Variants in PTPRD observed in about 807,000 individuals in gnomAD.
PTPRD encodes the protein receptor-type tyrosine-protein phosphatase delta.
Under a neutral mutation model 214.5 loss-of-function variants are expected in PTPRD, and 34 were observed. The observed-to-expected ratio is 0.16, with a 90% CI of 0.12 to 0.21. The LOEUF is 0.21. Among genes scored for constraint, PTPRD ranks in the 10% least tolerant of loss-of-function variants. The pLI, the probability that PTPRD is intolerant of heterozygous loss-of-function variation, is 1.00. For synonymous variants in PTPRD, 1,128 were observed against 845.7 expected (o/e 1.33, Z -5.79); for missense variants, 2,545 against 2,398.7 (o/e 1.06, Z -1.27).
chr9:9,027,015 G>A (rs939180920), intron 10 of PTPRD, among the ~76,000 whole-genome samples: 12 of 151,246 alleles, frequency 7.9e-5, no homozygotes, highest in Non-Finnish European at 1.8e-4. Flanking sequence ...TCCCAGTTAT[G>A]GCTTTTCTCC....
chr9:8,978,494 G>A (rs369462913), intron 11 of PTPRD, among the ~76,000 whole-genome samples: 1 of 152,116 alleles, frequency 6.6e-6, no homozygotes, highest in African/African-American at 2.4e-5. Flanking sequence ...CATTATTAGG[G>A]TGCCTCTATG....
At chr9:8,557,451 T>TAC (rs887383087) in intron 14 of PTPRD, among the ~76,000 whole-genome samples, 3 of 135,366 alleles carry the variant, frequency 2.2e-5, no homozygotes, top group East Asian at 2.0e-4. Flanking sequence ...TATATATATA[T>TAC]ATATATTTGG....
intron 10 of PTPRD, among the ~76,000 whole-genome samples, chr9:9,081,911 G>C (rs181969138): frequency 1.7e-3 from 253 of 151,296 alleles, no homozygotes; most frequent in South Asian, 3.3e-3. Flanking sequence ...ACGTGAGGTG[G>C]GTCTTAGTCA....
intron 9 of PTPRD, among the ~76,000 whole-genome samples, chr9:9,321,707 C>T (rs565598964): frequency 5.9e-5 from 9 of 152,134 alleles, no homozygotes; most frequent in South Asian, 4.2e-4. Flanking sequence ...TATTTAGTAG[C>T]GATGTAACAT....
chr9:8,787,056 G>C (rs944801282), intron 11 of PTPRD, among the ~76,000 whole-genome samples: 1 of 151,876 alleles, frequency 6.6e-6, no homozygotes, highest in South Asian at 2.1e-4. Flanking sequence ...GTCTGGTCTC[G>C]AACTCCTGGG....
At chr9:9,671,166 A>G (rs2382038) in intron 7 of PTPRD, among the ~76,000 whole-genome samples, 60,807 of 151,914 alleles carry the variant, frequency 0.4, 12,446 homozygotes, top group Admixed American at 0.52. Context: ...TCTTGCATAC[A>G]GTGACCTGGA....
chr9:9,558,448 A>C (rs1714204087), intron 8 of PTPRD, among the ~76,000 whole-genome samples: 1 of 152,130 alleles, frequency 6.6e-6, no homozygotes, highest in African/African-American at 2.4e-5. Context: ...TTGGACACAC[A>C]GGTTTGATAC....
chr9:9,219,173 T>A (rs1286602880), intron 9 of PTPRD, among the ~76,000 whole-genome samples: 1 of 152,118 alleles, frequency 6.6e-6, no homozygotes, highest in Non-Finnish European at 1.5e-5. Flanking sequence ...ATAGAATTGT[T>A]AAAATTTTCT....
At chr9:9,265,951 A>G (rs1438723292) in intron 9 of PTPRD, among the ~76,000 whole-genome samples, 1 of 151,556 alleles carries the variant, frequency 6.6e-6, no homozygotes, top group African/African-American at 2.4e-5. Flanking sequence ...TAAATGGTTC[A>G]GTAAACAAGA....
At chr9:10,180,251 C>A (rs1242759343) in intron 3 of PTPRD, among the ~76,000 whole-genome samples, 3 of 151,752 alleles carry the variant, frequency 2.0e-5, no homozygotes, top group Non-Finnish European at 4.4e-5. Flanking sequence ...ACAGGAAGAC[C>A]TAAAGCACAA....
At chr9:9,006,991 T>G (rs1034201526) in intron 11 of PTPRD, among the ~76,000 whole-genome samples, 1 of 152,000 alleles carries the variant, frequency 6.6e-6, no homozygotes, top group African/African-American at 2.4e-5. Context: ...AATGGACTAT[T>G]TGTAACATTT....
chr9:10,056,837 T>A (rs993222995), intron 3 of PTPRD, among the ~76,000 whole-genome samples: 4 of 152,166 alleles, frequency 2.6e-5, no homozygotes, highest in African/African-American at 7.2e-5. Context: ...GTCACTTGAG[T>A]ATTATTTATT....
intron 5 of PTPRD, among the ~76,000 whole-genome samples, chr9:9,802,737 T>A (rs1183841187): frequency 6.6e-6 from 1 of 151,816 alleles, no homozygotes; most frequent in Non-Finnish European, 1.5e-5. Context: ...GTTGAATGAA[T>A]ACACCTATCA....
chr9:8,339,409 C>T (rs570277823), intron 42 of PTPRD, among the ~76,000 whole-genome samples: 3 of 152,240 alleles, frequency 2.0e-5, no homozygotes, highest in African/African-American at 7.2e-5. Flanking sequence ...GACAATAACA[C>T]ATTGCACCAC....
chr9:9,440,515 A>G (rs113785645), intron 8 of PTPRD, among the ~76,000 whole-genome samples: 3 of 152,326 alleles, frequency 2.0e-5, no homozygotes, highest in African/African-American at 7.2e-5. Flanking sequence ...CCATTATTCA[A>G]TACATATCTC....
intron 3 of PTPRD, among the ~76,000 whole-genome samples, chr9:10,103,779 C>T (rs2098595540): frequency 1.3e-5 from 2 of 151,552 alleles, no homozygotes; most frequent in South Asian, 4.2e-4. Context: ...CACTCTTCCA[C>T]AGGCCAATAT....
At position 8,666,139 on chromosome 9, in the gene PTPRD, A is replaced by C. The variant is rs922526200; in HGVS notation, c.65-29295T>G. ...TATGCTATTTTGTCCATATTTTTAT[A>C]CTAAAGGCCCAGGTTGAAAAATCCA... On this transcript the variant is annotated intron_variant, in intron 12 of 45. Coordinates refer to ENST00000381196, the MANE Select transcript of PTPRD (RefSeq NM_002839.4). 9.2e-5 allele frequency among the ~76,000 whole-genome samples: 14 copies of C among 152,144 alleles called. No homozygotes were observed. The South Asian group carries it at 1.2e-3, about 14-fold the overall frequency.
intron 39 of PTPRD, among the ~76,000 whole-genome samples, chr9:8,349,133 C>A (rs1469633952): frequency 1.3e-5 from 2 of 152,144 alleles, no homozygotes; most frequent in Non-Finnish European, 2.9e-5. Context: ...CCGAAGCCCC[C>A]AGCATGGGAA....
intron 11 of PTPRD, among the ~76,000 whole-genome samples, chr9:8,770,773 G>T (rs753818139): frequency 6.6e-6 from 1 of 151,982 alleles, no homozygotes; most frequent in Non-Finnish European, 1.5e-5. Context: ...GGGCAAAAAC[G>T]TCAAATATTC....
Sources: gnomAD v4.1 joint callset for allele counts (sites outside exome capture counted in the v4.1 genomes callset) on GRCh38, gnomAD v4.1.1 for gene constraint, MANE v1.5 for transcripts, NCBI Gene and HGNC (gene_info 2026-07-23, HGNC 2026-07-21) for gene names.